The following CDH13 variants were observed in gnomAD, a reference collection of about 807,000 sequenced individuals.
CDH13 encodes the protein cadherin-13.
In CDH13, 24 loss-of-function variants were observed where a neutral mutation model predicts 63.8. The observed-to-expected ratio is 0.38, with a 90% CI of 0.27 to 0.53. The LOEUF is 0.53. CDH13 is among the 20% of genes least tolerant of loss of function. The probability of loss-of-function intolerance (pLI) is 0.85; values close to 1 mark genes in which losing one functional copy is unlikely to be tolerated. For missense variants in CDH13, 1,049 were observed against 903.1 expected (o/e 1.16, Z -2.07); for synonymous variants, 503 against 355.3 (o/e 1.42, Z -4.67).
intron 7 of CDH13, among the ~76,000 whole-genome samples, chr16:83,568,602 G>A (rs1804479875): frequency 6.6e-6 from 1 of 152,172 alleles, no homozygotes; most frequent in Admixed American, 6.5e-5. Flanking sequence ...AGTGGGGGCA[G>A]GGGGTTGGGC....
chr16:83,013,054 G>C lies in CDH13; in HGVS notation c.158-18956G>C, dbSNP rs565515533. Among the ~76,000 whole-genome samples, 7 of 152,334 alleles carry C rather than the reference G, an allele frequency of 4.6e-5. No individual in the cohort carries two copies. The South Asian group carries it at 8.3e-4, about 18-fold the overall frequency. On this transcript the variant is annotated intron_variant, in intron 2 of 13. Coordinates refer to ENST00000567109, the MANE Select transcript of CDH13 (RefSeq NM_001257.5). ...CTTGCCTGAGCACTTAGGTGGCTTA[G>C]AGCAGATCTCTTGCAAAATGCGAGA...
chr16:83,029,920 G>A (rs1445502337), intron 2 of CDH13, among the ~76,000 whole-genome samples: 1 of 152,212 alleles, frequency 6.6e-6, no homozygotes, highest in Non-Finnish European at 1.5e-5. Flanking sequence ...AAAGCACGTA[G>A]TACAATTCTA....
intron 13 of CDH13, among the ~76,000 whole-genome samples, chr16:83,787,373 G>A (rs1915955423): frequency 6.6e-6 from 1 of 152,062 alleles, no homozygotes; most frequent in South Asian, 2.1e-4. Flanking sequence ...TCTTTGCCTG[G>A]GAGCTATCCA....
chr16:83,375,826 C>T (rs1488552338), intron 6 of CDH13, among the ~76,000 whole-genome samples: 1 of 152,020 alleles, frequency 6.6e-6, no homozygotes, highest in South Asian at 2.1e-4. Flanking sequence ...TCTGGGAATA[C>T]AGGTAGAGGA....
chr16:82,970,599 C>T (rs1467929805), intron 2 of CDH13, among the ~76,000 whole-genome samples: 6 of 117,614 alleles, frequency 5.1e-5, no homozygotes, highest in African/African-American at 1.6e-4. Context: ...CGGGGTTTCA[C>T]CTTGTTAGCC....
intron 8 of CDH13, among the ~76,000 whole-genome samples, chr16:83,658,146 T>TCAC (rs1913058237): frequency 7.0e-6 from 1 of 143,054 alleles, no homozygotes; most frequent in African/African-American, 2.7e-5. Context: ...TCTCATGTCC[T>TCAC]CACCACCAGG....
chr16:83,583,320 G>A (rs1316109311), intron 7 of CDH13, among the ~76,000 whole-genome samples: 2 of 152,124 alleles, frequency 1.3e-5, no homozygotes, highest in Non-Finnish European at 2.9e-5. Flanking sequence ...GGGGTTAGGA[G>A]TTGGATGTAT....
intron 1 of CDH13, among the ~76,000 whole-genome samples, chr16:82,806,430 G>A (rs915551439): frequency 6.6e-6 from 1 of 152,114 alleles, no homozygotes; most frequent in African/African-American, 2.4e-5. Context: ...AAGAATGTGG[G>A]TTCTTACAAA....
intron 2 of CDH13, among the ~76,000 whole-genome samples, chr16:82,866,842 CTCACTA>C (rs1567614134): frequency 6.6e-6 from 1 of 152,158 alleles, no homozygotes; most frequent in Non-Finnish European, 1.5e-5. Flanking sequence ...CTCGTGAGAA[CTCACTA>C]TCACGAGAGC....
intron 2 of CDH13, among the ~76,000 whole-genome samples, chr16:82,867,645 G>C (rs946700368): frequency 2.0e-5 from 3 of 152,178 alleles, no homozygotes; most frequent in Non-Finnish European, 4.4e-5. Context: ...CATGGCTTTT[G>C]AGGGTGCTTT....
chr16:83,518,612 A>G (rs564293065), intron 7 of CDH13, among the ~76,000 whole-genome samples: 74 of 151,174 alleles, frequency 4.9e-4, no homozygotes, highest in African/African-American at 1.6e-3. Flanking sequence ...AGCTGGGACT[A>G]CAGGCACCTG....
intron 5 of CDH13, among the ~76,000 whole-genome samples, chr16:83,221,315 C>T (rs2039693839): frequency 6.6e-6 from 1 of 152,138 alleles, no homozygotes. Context: ...CTCCCTGCCC[C>T]AGCCCCCAGA....
intron 7 of CDH13, among the ~76,000 whole-genome samples, chr16:83,578,608 A>G (rs7197919): frequency 0.4 from 60,849 of 151,728 alleles, 12,702 homozygotes; most frequent in Admixed American, 0.52. Context: ...TCAGGCATTG[A>G]CTCCACTGAT....
At chr16:83,060,390 T>C (rs1285613715) in intron 3 of CDH13, among the ~76,000 whole-genome samples, 1 of 152,194 alleles carries the variant, frequency 6.6e-6, no homozygotes, top group Non-Finnish European at 1.5e-5. Flanking sequence ...ACTTGGATTA[T>C]AAATTGCAGG....
chr16:82,685,377 T>C (rs74410647), intron 1 of CDH13, among the ~76,000 whole-genome samples: 3,067 of 152,246 alleles, frequency 0.02, 44 homozygotes, highest in Middle Eastern at 0.044. Context: ...TTTATAAGGG[T>C]ACTAATCCCA....
rs561446688 is a variant in CDH13, at chr16:82,760,366, C to G, written c.46-97996C>G. Among the ~76,000 whole-genome samples, 184 of 152,246 alleles carry G rather than the reference C, an allele frequency of 1.2e-3. 2 individuals are homozygous for G. Among genetic ancestry groups the G allele is most frequent in the Middle Eastern group, 0.01 (3 of 294 alleles). On this transcript the variant is annotated intron_variant, in intron 1 of 13. Coordinates refer to ENST00000567109, the MANE Select transcript of CDH13 (RefSeq NM_001257.5). Reference sequence around the variant, plus strand: ...CATTGGGCTTAGGAAGTGGCCACATCATAGTCATTTGATACACTGTCATTT... The same window carrying G: ...CATTGGGCTTAGGAAGTGGCCACATGATAGTCATTTGATACACTGTCATTT...
chr16:83,337,601 A>G (rs2090625519), intron 5 of CDH13, among the ~76,000 whole-genome samples: 1 of 133,186 alleles, frequency 7.5e-6, no homozygotes, highest in African/African-American at 2.8e-5. Context: ...TTGTCATTTG[A>G]GAATTAAATT....
At chr16:83,608,326 A>G (rs1908537538) in intron 8 of CDH13, among the ~76,000 whole-genome samples, 4 of 152,194 alleles carry the variant, frequency 2.6e-5, no homozygotes, top group Admixed American at 2.6e-4. Flanking sequence ...AAATGGTAGG[A>G]GTTAGGAGCT....
intron 3 of CDH13, among the ~76,000 whole-genome samples, chr16:83,096,178 C>G (rs995946124): frequency 5.3e-5 from 8 of 152,152 alleles, no homozygotes; most frequent in Non-Finnish European, 1.0e-4. Flanking sequence ...TCATTGCGTA[C>G]CAGGCTATGT....
Sources: allele counts gnomAD v4.1 joint callset (sites outside exome capture counted in the v4.1 genomes callset), GRCh38; gene constraint gnomAD v4.1.1; transcripts MANE v1.5; gene names NCBI Gene and HGNC (gene_info 2026-07-23, HGNC 2026-07-21).